ZRANB1: variants seen among roughly 807,000 people sequenced by gnomAD.
The protein encoded by ZRANB1 is zinc finger RANBP2-type containing 1.
ZRANB1 carries 16 observed loss-of-function variants against 80.5 expected under a neutral mutation model. The observed-to-expected ratio is 0.20, with a 90% confidence interval of 0.13 to 0.30. The LOEUF is 0.30. Ranked by LOEUF, ZRANB1 falls within the 10% of genes least tolerant of loss-of-function variation. ZRANB1 has a pLI of 1.00. For synonymous variants in ZRANB1, 291 were observed against 293.1 expected (o/e 0.99, Z 0.07); for missense variants, 576 against 862.6 (o/e 0.67, Z 4.16).
intron 2 of ZRANB1, among the ~76,000 whole-genome samples, chr10:124,968,884 C>G (rs977414378): frequency 6.6e-6 from 1 of 152,184 alleles, no homozygotes; most frequent in Non-Finnish European, 1.5e-5. Flanking sequence ...GGAAACTTAG[C>G]AGCTAAGACA....
At chr10:124,980,799 G>A (rs1225007551) in intron 5 of ZRANB1, among the ~76,000 whole-genome samples, 3 of 151,930 alleles carry the variant, frequency 2.0e-5, no homozygotes, top group Admixed American at 6.6e-5. Flanking sequence ...CAATATAGCC[G>A]GGGTCTCACT....
At chr10:124,974,157 A>T (rs1951853269) in intron 4 of ZRANB1, 43 bp from the exon 5 acceptor site, 5 of 1,596,692 alleles carry the variant, frequency 3.1e-6, no homozygotes, top group Non-Finnish European at 4.3e-6. Context: ...TTCTCTAATG[A>T]CATAGGTATG....
chr10:124,974,299 G>A lies in ZRANB1; in HGVS notation c.1328G>A (p.Cys443Tyr). 1 of 1,614,266 alleles carries A rather than the reference G, an allele frequency of 6.2e-7. No individual in the cohort carries two copies. Among genetic ancestry groups the A allele is most frequent in the Non-Finnish European group, 8.5e-7 (1 of 1,180,038 alleles). ...CTTTGGAACCGGACTGCAGGAGACT[G>A]CCTACTTGATTCAGTTCTACAAGCT... ...YALWNRTAGD[C>Y]LLDSVLQATW... is the part of the protein sequence containing the mutation. The change falls in exon 5 of 9, where the codon TGC becomes TAC. Residue 443 changes from cysteine (C) to tyrosine (Y), a missense_variant. Cys to Tyr is a radical substitution (Grantham distance 194). Around this residue, in one of 3 missense-constraint regions of ZRANB1, gnomAD observed 411 missense variants for 583.1 expected, o/e 0.70. Transcript: ENST00000359653.
chr10:124,978,650 G>A (rs1294298277), intron 5 of ZRANB1, among the ~76,000 whole-genome samples: 1 of 152,078 alleles, frequency 6.6e-6, no homozygotes, highest in African/African-American at 2.4e-5. Context: ...TTTGGAGACA[G>A]GGTCTTGGTC....
chr10:124,941,093 C>T (rs1010638790), upstream of ZRANB1, among the ~76,000 whole-genome samples: 3 of 152,118 alleles, frequency 2.0e-5, no homozygotes, highest in Non-Finnish European at 4.4e-5. Context: ...CTTCTATACT[C>T]TGCCTAGGAT....
At chr10:124,957,974 C>G (rs997142599) in intron 1 of ZRANB1, among the ~76,000 whole-genome samples, 1 of 152,204 alleles carries the variant, frequency 6.6e-6, no homozygotes, top group African/African-American at 2.4e-5. Context: ...AAGTGATCCA[C>G]CTGCCTCGGC....
the ZRANB1 span, among the ~76,000 whole-genome samples, chr10:124,919,922 T>C: frequency 5.0e-3 from 162 of 32,678 alleles, no homozygotes; most frequent in South Asian, 8.8e-3. Flanking sequence ...CCCCCCCCCC[T>C]TTTTTTTTTT....
chr10:124,951,061 G>A (rs1181878459), intron 1 of ZRANB1, among the ~76,000 whole-genome samples: 1 of 152,046 alleles, frequency 6.6e-6, no homozygotes. Flanking sequence ...ATAGCAAAGT[G>A]TAGGCGTATT....
At chr10:124,919,911 C>A in the ZRANB1 span, among the ~76,000 whole-genome samples, 8 of 77,256 alleles carry the variant, frequency 1.0e-4, no homozygotes, top group South Asian at 3.6e-3. Context: ...GCGCCCGGCC[C>A]CCCCCCCCCC....
At chr10:124,921,649 T>C in the ZRANB1 span, among the ~76,000 whole-genome samples, 1 of 152,182 alleles carries the variant, frequency 6.6e-6, no homozygotes, top group South Asian at 2.1e-4. Context: ...TTAGAAAGTA[T>C]ATAAAAAGTA....
rs192624920 is a variant in ZRANB1, at chr10:124,982,702, A to T, written c.1549-473A>T. The stretch of plus-strand genomic sequence containing the variant: ...TTACATGAGACATGTATCTCACACC[A>T]TGCATTGTAGCTCGATGATGGACCC... On this transcript the variant is annotated intron_variant, in intron 6 of 8. Transcript: ENST00000359653. Among the ~76,000 whole-genome samples, 11 of 152,324 alleles carry T rather than the reference A, an allele frequency of 7.2e-5. No homozygotes were observed. In the East Asian group the frequency reaches 2.1e-3, roughly 29 times the overall value.
At chr10:124,965,131 G>A (rs2134279780) in intron 1 of ZRANB1, among the ~76,000 whole-genome samples, 1 of 152,230 alleles carries the variant, frequency 6.6e-6, no homozygotes, top group Non-Finnish European at 1.5e-5. Context: ...TTAAGCTTTA[G>A]CTTTGACTTC....
Position 124,983,030 on chromosome 10 carries a change from A to G in ZRANB1, c.1549-145A>G. On this transcript the variant is annotated intron_variant, in intron 6 of 8. Coordinates refer to ENST00000359653, the MANE Select transcript of ZRANB1 (RefSeq NM_017580.3). The surrounding 1 kb of genome is among the most constrained non-coding windows in gnomAD (Gnocchi z 6.2). ...ACAGTTTTACTGGATTTATTATTTG[A>G]GGAATCAAATGCTGCTTTGACAATC... The G allele has an allele frequency of 1.4e-6, 1 of 729,544 alleles. No individual in the cohort carries two copies. The highest frequency in any genetic ancestry group is 3.3e-5 in the Admixed American group (1 of 30,742). The allele number at this position is 729,544 out of a possible 1,614,324, so 45.2% of individuals were successfully genotyped here.
rs185276296 is a variant in ZRANB1 at position 124,945,616 on chromosome 10, G to A, written c.814+2309G>A. The A allele has an allele frequency of 7.2e-5, 11 of 152,176 alleles. No homozygotes were observed. The East Asian group carries it at 2.1e-3, about 29-fold the overall frequency. The allele number at this position is 152,176 out of a possible 1,614,324, so 9.4% of individuals were successfully genotyped here. ...CAGGGCTTCATTTCAACCCCCGGTTGCTTCAAGTCAGTGGATCTCAGGATA... is the reference window on the plus strand; with the variant it reads ...CAGGGCTTCATTTCAACCCCCGGTTACTTCAAGTCAGTGGATCTCAGGATA... On this transcript the variant is annotated intron_variant, in intron 1 of 8. Coordinates refer to ENST00000359653, the MANE Select transcript of ZRANB1 (RefSeq NM_017580.3).
the ZRANB1 span, among the ~76,000 whole-genome samples, chr10:124,917,933 A>G: frequency 2.6e-5 from 4 of 152,186 alleles, no homozygotes; most frequent in Admixed American, 2.0e-4. Context: ...GAATGCTGGC[A>G]TTAAGCGCAA....
At chr10:124,958,228 T>A (rs1235906075) in intron 1 of ZRANB1, among the ~76,000 whole-genome samples, 1 of 152,236 alleles carries the variant, frequency 6.6e-6, no homozygotes, top group African/African-American at 2.4e-5. Flanking sequence ...GACTAGCATG[T>A]GCAACGTAGC....
chr10:124,959,296 C>A (rs1256000229), intron 1 of ZRANB1, among the ~76,000 whole-genome samples: 1 of 151,892 alleles, frequency 6.6e-6, no homozygotes, highest in East Asian at 1.9e-4. Flanking sequence ...GTGGAGAGAC[C>A]AAGGCATGTC....
At chr10:124,964,461 A>G (rs1951761415) in intron 1 of ZRANB1, among the ~76,000 whole-genome samples, 1 of 152,210 alleles carries the variant, frequency 6.6e-6, no homozygotes, top group African/African-American at 2.4e-5. Flanking sequence ...AGCGATTTGA[A>G]GATCTCCCCT....
intron 8 of ZRANB1, chr10:124,984,352 T>A (rs1212259252): frequency 6.3e-6 from 1 of 159,656 alleles, no homozygotes; most frequent in East Asian, 1.8e-4. Context: ...TTTAATATAC[T>A]AGTAATTATA....
Sources: allele counts gnomAD v4.1 joint callset (sites outside exome capture counted in the v4.1 genomes callset), GRCh38; gene constraint gnomAD v4.1.1; regional missense constraint gnomAD v4.1.1; non-coding constraint Gnocchi (gnomAD v3.1); transcripts MANE v1.5; gene names NCBI Gene and HGNC (gene_info 2026-07-23, HGNC 2026-07-21).